ABCB1: variants seen among roughly 807,000 people sequenced by gnomAD.
The protein encoded by ABCB1 is ATP-dependent translocase ABCB1.
Under a neutral mutation model 142.0 loss-of-function variants are expected in ABCB1, and 69 were observed. The observed-to-expected ratio is 0.49, with a 90% CI of 0.40 to 0.59. The LOEUF is 0.59. Among genes scored for constraint, ABCB1 ranks in the 20% least tolerant of loss-of-function variants. The pLI, the probability that ABCB1 is intolerant of heterozygous loss-of-function variation, is 0.00. For synonymous variants in ABCB1, 532 were observed against 539.2 expected (o/e 0.99, Z 0.18); for missense variants, 1,326 against 1,554.7 (o/e 0.85, Z 2.47).
chr7:87,526,695 T>A (rs1815796732), intron 21 of ABCB1, among the ~76,000 whole-genome samples: 1 of 152,166 alleles, frequency 6.6e-6, no homozygotes, highest in Non-Finnish European at 1.5e-5. Context: ...TCCGTTACTG[T>A]CTAAGTACTT....
chr7:87,555,899 G>A (rs886354497), intron 8 of ABCB1, among the ~76,000 whole-genome samples: 1 of 152,288 alleles, frequency 6.6e-6, no homozygotes, highest in Middle Eastern at 3.4e-3. Flanking sequence ...CAAGACTAAC[G>A]TAGAAACCAG....
At chr7:87,700,506 T>G in intron 1 of ABCB1, 1 of 1,613,578 alleles carries the variant, frequency 6.2e-7, no homozygotes, top group Non-Finnish European at 8.5e-7. Flanking sequence ...CACAGAATTG[T>G]ATCTGCAGCA....
chr7:87,548,682 C>T (rs1563046827), intron 14 of ABCB1, among the ~76,000 whole-genome samples: 1 of 152,166 alleles, frequency 6.6e-6, no homozygotes, highest in African/African-American at 2.4e-5. Context: ...TCGGTCCTCA[C>T]AGAATTATCC....
chr7:87,525,816 T>G (rs750183664), intron 21 of ABCB1, among the ~76,000 whole-genome samples: 5 of 152,130 alleles, frequency 3.3e-5, no homozygotes, highest in Non-Finnish European at 5.9e-5. Flanking sequence ...GTGACTGACA[T>G]GCATTGTGGT....
chr7:87,698,504 G>GTGC (rs1828710515), intron 1 of ABCB1, among the ~76,000 whole-genome samples: 3 of 152,160 alleles, frequency 2.0e-5, no homozygotes, highest in Non-Finnish European at 2.9e-5. Context: ...CAAAATATTT[G>GTGC]ATGTTTGTAA....
In ABCB1 at chr7:87,504,243, T is replaced by C; in HGVS notation, c.3843A>G (p.Ter1281TrpextTer5). The C allele has an allele frequency of 6.2e-7, 1 of 1,614,140 alleles. No individual in the cohort carries two copies. The highest frequency in any genetic ancestry group is 8.5e-7 in the Non-Finnish European group (1 of 1,180,022). The stretch of plus-strand genomic sequence containing the variant: ...ATTTAACATCTCATACAGTCAGAGT[T>C]CACTGGCGCTTTGTTCCAGCCTGGA... ...VSVQAGTKRQ[*>W] Residue 1281 changes from the stop codon to tryptophan (W), a stop_lost, in exon 28 of 28, where the codon TGA becomes TGG. Transcript: ENST00000622132.
At chr7:87,693,923 G>T (rs778682767) in intron 1 of ABCB1, 2 of 1,609,364 alleles carry the variant, frequency 1.2e-6, no homozygotes, top group East Asian at 2.2e-5. Context: ...TCCCAAAGTT[G>T]CAGATGGCTG....
rs192564680 is a variant in ABCB1, at chr7:87,633,263, A to G, written c.-330-32185T>C. Among the ~76,000 whole-genome samples, 47 of 152,366 alleles carry G rather than the reference A, an allele frequency of 3.1e-4. No homozygotes were observed. The East Asian group carries it at 8.3e-3, about 27-fold the overall frequency. ...ATAACTGAAATTTATTTAAGCGCAC[A>G]AGTTTAATCCACAACACATAATATT... On this transcript the variant is annotated intron_variant, in intron 1 of 28. Transcript: ENST00000265724.
At chr7:87,553,222 T>G (rs1268607477) in intron 9 of ABCB1, among the ~76,000 whole-genome samples, 2 of 152,114 alleles carry the variant, frequency 1.3e-5, no homozygotes, top group African/African-American at 4.8e-5. Flanking sequence ...GTTAATATTA[T>G]TTAGGCTACA....
chr7:87,604,957 T>C (rs565448431), upstream of ABCB1, among the ~76,000 whole-genome samples: 6 of 152,342 alleles, frequency 3.9e-5, no homozygotes, highest in Non-Finnish European at 8.8e-5. Flanking sequence ...ATTTTTTAAA[T>C]ATTCAAACTG....
At chr7:87,515,578 A>T (rs530058678) in intron 24 of ABCB1, 150 bp from the exon 25 acceptor site, 1 of 443,632 alleles carries the variant, frequency 2.3e-6, no homozygotes, top group African/African-American at 2.1e-5. Context: ...TTTTATTTTA[A>T]TTTTATTATT....
At chr7:87,588,123 AT>A (rs1485213414) in intron 3 of ABCB1, among the ~76,000 whole-genome samples, 1 of 151,640 alleles carries the variant, frequency 6.6e-6, no homozygotes, top group Non-Finnish European at 1.5e-5. Flanking sequence ...AAGACAGAAA[AT>A]TGAAAGAGTT....
intron 4 of ABCB1, among the ~76,000 whole-genome samples, chr7:87,575,974 G>A (rs922795557): frequency 2.6e-5 from 4 of 152,220 alleles, no homozygotes; most frequent in Middle Eastern, 3.4e-3. Flanking sequence ...CTGTCAACCC[G>A]CAAGCAATTC....
intron 27 of ABCB1, 123 bp from the exon 28 acceptor site, chr7:87,504,572 G>A (rs1814639713): frequency 1.3e-5 from 16 of 1,275,446 alleles, no homozygotes; most frequent in Non-Finnish European, 1.8e-5. Flanking sequence ...ACTTTGGGAG[G>A]CCAAGGCGGG....
chr7:87,506,188 G>T, intron 26 of ABCB1, 145 bp from the exon 27 acceptor site: 1 of 828,120 alleles, frequency 1.2e-6, no homozygotes, highest in East Asian at 2.7e-5. Context: ...ATTAAGGAAA[G>T]AACAGTAAAA....
At chr7:87,516,218 C>T (rs1461123490) in intron 24 of ABCB1, among the ~76,000 whole-genome samples, 2 of 152,008 alleles carry the variant, frequency 1.3e-5, no homozygotes, top group Non-Finnish European at 2.9e-5. Context: ...TGCACTCCAG[C>T]CTGGATGACA....
At chr7:87,663,352 CGTT>C (rs1160252908) in intron 1 of ABCB1, among the ~76,000 whole-genome samples, 2 of 152,018 alleles carry the variant, frequency 1.3e-5, no homozygotes, top group Non-Finnish European at 2.9e-5. Context: ...CTAACCATCT[CGTT>C]GTCCAGTTCA....
At chr7:87,672,711 G>T (rs925306012) in intron 1 of ABCB1, among the ~76,000 whole-genome samples, 2 of 152,188 alleles carry the variant, frequency 1.3e-5, no homozygotes, top group African/African-American at 2.4e-5. Context: ...GGGTTCACAA[G>T]GAGATCTCCT....
intron 1 of ABCB1, among the ~76,000 whole-genome samples, chr7:87,677,677 A>G (rs1826517242): frequency 6.6e-6 from 1 of 152,208 alleles, no homozygotes; most frequent in Admixed American, 6.5e-5. Context: ...CCAAAACAGA[A>G]CAAAACAAAA....
Sources: gnomAD v4.1 joint callset for allele counts (sites outside exome capture counted in the v4.1 genomes callset) on GRCh38, gnomAD v4.1.1 for gene constraint, MANE v1.5 for transcripts, NCBI Gene and HGNC (gene_info 2026-07-23, HGNC 2026-07-21) for gene names.